Variants in CHSY3 observed in about 807,000 individuals in gnomAD.
The protein encoded by CHSY3 is chondroitin sulfate synthase 3, also known as N-acetylgalactosaminyl-proteoglycan 3-beta-glucuronosyltransferase 3.
CHSY3 carries 35 observed loss-of-function variants against 67.2 expected under a neutral mutation model. The ratio of observed to expected loss-of-function variants is 0.52; its 90% confidence interval spans 0.40 to 0.69. The LOEUF is 0.69. Ranked by LOEUF, CHSY3 falls within the 30% of genes least tolerant of loss-of-function variation. CHSY3 has a pLI of 0.00. For synonymous variants in CHSY3, 474 were observed against 434.7 expected (o/e 1.09, Z -1.12); for missense variants, 1,069 against 1,138.5 (o/e 0.94, Z 0.88).
At chr5:129,956,659 C>T (rs1031675537) in intron 2 of CHSY3, among the ~76,000 whole-genome samples, 9 of 151,910 alleles carry the variant, frequency 5.9e-5, no homozygotes. Context: ...AAGAAGGGGT[C>T]CAGTTTTAGT....
chr5:129,927,360 G>A (rs570303705), intron 2 of CHSY3, among the ~76,000 whole-genome samples: 11 of 151,962 alleles, frequency 7.2e-5, no homozygotes, highest in South Asian at 4.1e-4. Flanking sequence ...TTTGACATTT[G>A]TAACAAATGG....
intron 2 of CHSY3, among the ~76,000 whole-genome samples, chr5:129,965,557 A>G (rs1381976706): frequency 6.6e-6 from 1 of 151,780 alleles, no homozygotes; most frequent in Non-Finnish European, 1.5e-5. Flanking sequence ...ATTTAGATAC[A>G]CTGTTTAATC....
chr5:130,075,654 A>G (rs552674656), intron 2 of CHSY3, among the ~76,000 whole-genome samples: 20 of 152,296 alleles, frequency 1.3e-4, no homozygotes, highest in African/African-American at 4.6e-4. Flanking sequence ...TTTCATATGT[A>G]TAATAAAATG....
chr5:129,959,040 A>G (rs1762256821), intron 2 of CHSY3, among the ~76,000 whole-genome samples: 1 of 152,110 alleles, frequency 6.6e-6, no homozygotes, highest in African/African-American at 2.4e-5. Context: ...TTTCAGCTTG[A>G]ATCTTGCCCT....
chr5:130,028,824 C>A, intron 2 of CHSY3, among the ~76,000 whole-genome samples: 1 of 151,952 alleles, frequency 6.6e-6, no homozygotes, highest in South Asian at 2.1e-4. Flanking sequence ...TTCTAAAGCT[C>A]TCTTATTATG....
intron 2 of CHSY3, among the ~76,000 whole-genome samples, chr5:130,153,131 T>G (rs1481542998): frequency 6.6e-6 from 1 of 152,080 alleles, no homozygotes; most frequent in Non-Finnish European, 1.5e-5. Flanking sequence ...CTTGGGAGGC[T>G]GAGACACGAG....
chr5:129,956,415 C>G (rs1355564100), intron 2 of CHSY3, among the ~76,000 whole-genome samples: 1 of 151,884 alleles, frequency 6.6e-6, no homozygotes, highest in African/African-American at 2.4e-5. Context: ...TGGTTTTTCT[C>G]TTATAAATTT....
chr5:129,957,108 T>G (rs2149605080), intron 2 of CHSY3, among the ~76,000 whole-genome samples: 1 of 152,300 alleles, frequency 6.6e-6, no homozygotes, highest in South Asian at 2.1e-4. Flanking sequence ...CATGGAATGT[T>G]TTTCCATTTG....
chr5:129,985,812 G>T (rs566588697), intron 2 of CHSY3, among the ~76,000 whole-genome samples: 15 of 152,118 alleles, frequency 9.9e-5, no homozygotes, highest in Non-Finnish European at 1.6e-4. Context: ...GTCTTGATTT[G>T]TCTCTCAGCT....
intron 2 of CHSY3, among the ~76,000 whole-genome samples, chr5:130,119,687 T>C (rs947445451): frequency 6.6e-6 from 1 of 152,120 alleles, no homozygotes; most frequent in African/African-American, 2.4e-5. Flanking sequence ...AACTCCAGGA[T>C]CAATAATTAA....
chr5:129,953,261 A>G (rs1762077382), intron 2 of CHSY3, among the ~76,000 whole-genome samples: 2 of 152,214 alleles, frequency 1.3e-5, no homozygotes, highest in African/African-American at 4.8e-5. Context: ...TAGTTTGCTG[A>G]GAATGATGCT....
In CHSY3 at chr5:130,143,732, G is replaced by GTATATATATATA. The variant is rs1468717884; in HGVS notation, c.1087-40496_1087-40495insATATATATATAT. Among the ~76,000 whole-genome samples, 41 of 99,266 alleles carry GTATATATATATA rather than the reference G, an allele frequency of 4.1e-4. 3 individuals carry two copies. Among genetic ancestry groups the GTATATATATATA allele is most frequent in the African/African-American group, 1.7e-3 (40 of 24,006 alleles). The allele number at this position is 99,266 out of a possible 152,430, so 65.1% of individuals were successfully genotyped here. A position where few individuals can be genotyped will look rare whatever the true frequency, so the allele number is the denominator to read the frequency against. On this transcript the variant is annotated intron_variant, in intron 2 of 2. Transcript: ENST00000305031. ...GGTATATATATATATGTGTGTGTGT[G>GTATATATATATA]TGTATATATATATATATATATATAT...
At chr5:130,178,253 A>ATATTTTTTTTT (rs1205782386) in intron 2 of CHSY3, among the ~76,000 whole-genome samples, 1 of 45,912 alleles carries the variant, frequency 2.2e-5, no homozygotes, top group Non-Finnish European at 3.5e-5. Context: ...ATATATATAT[A>ATATTTTTTTTT]TTTTTTTTTT....
chr5:130,105,886 T>C (rs1314295716), intron 2 of CHSY3, among the ~76,000 whole-genome samples: 2 of 151,662 alleles, frequency 1.3e-5, no homozygotes. Flanking sequence ...GTTCCAATAA[T>C]TGATCAATAT....
In CHSY3 at chr5:129,980,293, A is replaced by G. The variant is rs577638175; in HGVS notation, c.1086+71933A>G. Among the ~76,000 whole-genome samples the G allele has an allele frequency of 8.5e-5, 13 of 152,308 alleles. No homozygotes were observed. The East Asian group carries it at 1.9e-3, about 23-fold the overall frequency. ...GATCTGGATTTTGGTATATAGTAGT[A>G]TCTCATTCTTGTTTTAATTTGTATT... On this transcript the variant is annotated intron_variant, in intron 2 of 2. Transcript: ENST00000305031.
At chr5:130,157,464 T>C (rs1769404907) in intron 2 of CHSY3, among the ~76,000 whole-genome samples, 1 of 152,210 alleles carries the variant, frequency 6.6e-6, no homozygotes, top group Non-Finnish European at 1.5e-5. Context: ...ACATGTCATA[T>C]GGAAGAAGGA....
chr5:129,906,170 C>A (rs1176493585), intron 1 of CHSY3, among the ~76,000 whole-genome samples: 2 of 152,130 alleles, frequency 1.3e-5, no homozygotes, highest in African/African-American at 2.4e-5. Flanking sequence ...TCTTCGCTGT[C>A]CCGGACCCTT....
rs1436629400 is a variant in CHSY3, at chr5:130,043,174, CTTTTGTTG to C, written c.1086+134826_1086+134833del. On this transcript the variant is annotated intron_variant, in intron 2 of 2. Transcript: ENST00000305031. Reference sequence around the variant, plus strand: ...CAAAAATCCCCCAAGTTAGAGATTACTTTTGTTGTTTTGTTGTTTGTTTGTTTTTTTTA... The same window carrying C: ...CAAAAATCCCCCAAGTTAGAGATTACTTTTGTTGTTTGTTTGTTTTTTTTA... Among the ~76,000 whole-genome samples the C allele has an allele frequency of 5.3e-5, 8 of 151,974 alleles. No individual in the cohort carries two copies. The East Asian group carries it at 7.8e-4, about 15-fold the overall frequency.
At chr5:129,999,464 A>G (rs1012878552) in intron 2 of CHSY3, among the ~76,000 whole-genome samples, 1 of 152,188 alleles carries the variant, frequency 6.6e-6, no homozygotes, top group African/African-American at 2.4e-5. Context: ...CTAGGCAATG[A>G]TAATGGCAGT....
Sources: gnomAD v4.1 joint callset for allele counts (sites outside exome capture counted in the v4.1 genomes callset) on GRCh38, gnomAD v4.1.1 for gene constraint, MANE v1.5 for transcripts, NCBI Gene and HGNC (gene_info 2026-07-23, HGNC 2026-07-21) for gene names.